MYO1H: variants seen among roughly 807,000 people sequenced by gnomAD.
MYO1H encodes unconventional myosin-Ih.
MYO1H carries 118 observed loss-of-function variants against 149.3 expected under a neutral mutation model. That is an observed-to-expected ratio of 0.79 (90% CI 0.68 to 0.92). The LOEUF (loss-of-function observed/expected upper bound fraction) is 0.92. Ranked by LOEUF, MYO1H falls within the 40% of genes least tolerant of loss-of-function variation. The probability of loss-of-function intolerance (pLI) is 0.00; values close to 1 mark genes in which losing one functional copy is unlikely to be tolerated. For missense variants in MYO1H, 1,212 were observed against 1,280.7 expected (o/e 0.95, Z 0.82); for synonymous variants, 447 against 465.2 (o/e 0.96, Z 0.50).
At chr12:109,393,807 A>G (rs566129775) in intron 3 of MYO1H, among the ~76,000 whole-genome samples, 1 of 152,302 alleles carries the variant, frequency 6.6e-6, no homozygotes, top group South Asian at 2.1e-4. Flanking sequence ...AGAAAACTTT[A>G]GAGGGTCTTT....
intron 19 of MYO1H, 136 bp from the exon 20 acceptor site, chr12:109,432,761 G>A (rs10492216): frequency 1.7e-5 from 11 of 651,830 alleles, no homozygotes; most frequent in Admixed American, 2.6e-5. Flanking sequence ...GAGAAAGTTC[G>A]TGTAATGGGA....
rs1566044974 is a variant in MYO1H at position 109,443,128 on chromosome 12, A to ATATGTGTACG, written c.2689-383_2689-382insGTGTACGTAT. On this transcript the variant is annotated intron_variant, in intron 27 of 31. Transcript: ENST00000310903. ...CGTATATGTGTGTATATGTGTACGT[A>ATATGTGTACG]TATATGTGTGTATATGTGTACGTAT... Among the ~76,000 whole-genome samples the ATATGTGTACG allele has an allele frequency of 3.3e-3, 39 of 11,830 alleles. 13 individuals carry two copies. Among genetic ancestry groups the ATATGTGTACG allele is most frequent in the East Asian group, 5.3e-3 (1 of 190 alleles). The allele number at this position is 11,830 out of a possible 152,430, so 7.8% of individuals were successfully genotyped here. A position where few individuals can be genotyped will look rare whatever the true frequency, so the allele number is the denominator to read the frequency against.
intron 1 of MYO1H, among the ~76,000 whole-genome samples, chr12:109,365,573 C>T (rs1361480115): frequency 1.3e-5 from 2 of 152,156 alleles, no homozygotes; most frequent in Admixed American, 6.5e-5. Flanking sequence ...CTCTGGAGTT[C>T]AGCTGTTGAT....
chr12:109,438,470 G>A (rs1397071961), intron 22 of MYO1H, 66 bp from the exon 23 acceptor site: 5 of 1,301,148 alleles, frequency 3.8e-6, no homozygotes, highest in South Asian at 3.8e-5. Flanking sequence ...AAAGCCTTCT[G>A]GAAAAGCCTT....
At chr12:109,331,444 C>G in the MYO1H span, among the ~76,000 whole-genome samples, 1 of 146,658 alleles carries the variant, frequency 6.8e-6, no homozygotes, top group Non-Finnish European at 1.5e-5. Flanking sequence ...GGGCCGAATC[C>G]CTTGAGAGAG....
chr12:109,433,586 A>G (rs1871732085), intron 20 of MYO1H, among the ~76,000 whole-genome samples: 1 of 152,192 alleles, frequency 6.6e-6, no homozygotes, highest in Non-Finnish European at 1.5e-5. Flanking sequence ...ATGAAGATCT[A>G]TTCCCCGACA....
chr12:109,381,031 A>T (rs969583841), intron 1 of MYO1H, among the ~76,000 whole-genome samples: 9 of 152,310 alleles, frequency 5.9e-5, no homozygotes, highest in African/African-American at 2.2e-4. Context: ...TTATTTTTAA[A>T]ATGCTTTCTT....
At chr12:109,447,691 G>C (rs1247968665) in exon 32 of MYO1H, 1 of 176,012 alleles carries the variant, frequency 5.7e-6, no homozygotes, top group Non-Finnish European at 1.2e-5. Flanking sequence ...TCCCCAAGGT[G>C]TGTGTGTCAG....
At chr12:109,445,540 A>G (rs1169529176) in exon 31 of MYO1H, 1 of 1,609,720 alleles carries the variant, frequency 6.2e-7, no homozygotes, top group Non-Finnish European at 8.5e-7. Flanking sequence ...GTCCGGGAAA[A>G]GAAGGCACAA....
At chr12:109,397,127 C>G (rs1325052090) in intron 4 of MYO1H, among the ~76,000 whole-genome samples, 2 of 152,006 alleles carry the variant, frequency 1.3e-5, no homozygotes, top group East Asian at 1.9e-4. Context: ...CCACACCCAG[C>G]CTAAGAAGTT....
chr12:109,367,312 G>A (rs1199793820), intron 1 of MYO1H, among the ~76,000 whole-genome samples: 1 of 152,088 alleles, frequency 6.6e-6, no homozygotes, highest in East Asian at 1.9e-4. Context: ...GATATGAGTA[G>A]GTGGATCATA....
At chr12:109,427,685 G>C in intron 19 of MYO1H, 99 bp downstream of exon 19, 1 of 825,102 alleles carries the variant, frequency 1.2e-6, no homozygotes, top group Non-Finnish European at 2.1e-6. Context: ...CCTTAGGAAG[G>C]CTCAGTTTGG....
At chr12:109,378,658 C>T (rs1869137341) in intron 1 of MYO1H, among the ~76,000 whole-genome samples, 1 of 152,150 alleles carries the variant, frequency 6.6e-6, no homozygotes, top group Non-Finnish European at 1.5e-5. Context: ...GATGAGGGTT[C>T]TAAATTGTTT....
At chr12:109,424,867 CAGAG>C in intron 17 of MYO1H, 39 bp downstream of exon 17, 18 of 1,555,012 alleles carry the variant, frequency 1.2e-5, no homozygotes, top group Middle Eastern at 1.7e-4. Flanking sequence ...TGGATCTCAC[CAGAG>C]GGTGAGATGA....
At chr12:109,433,109 A>G in intron 20 of MYO1H, 99 bp downstream of exon 20, 1 of 967,492 alleles carries the variant, frequency 1.0e-6, no homozygotes, top group Non-Finnish European at 1.7e-6. Flanking sequence ...CTCGATTCCT[A>G]GGGATTTATG....
chr12:109,361,693 C>G (rs1049601563), intron 1 of MYO1H, among the ~76,000 whole-genome samples: 3 of 151,746 alleles, frequency 2.0e-5, no homozygotes, highest in Admixed American at 6.6e-5. Flanking sequence ...CTGCATGGTC[C>G]CAGCTACTTG....
rs934812809 is a variant in MYO1H, at chr12:109,426,987, T to C, written c.1832-482T>C. Among the ~76,000 whole-genome samples the C allele has an allele frequency of 2.6e-5, 4 of 152,084 alleles. No individual in the cohort carries two copies. The South Asian group carries it at 8.3e-4, about 32-fold the overall frequency. On this transcript the variant is annotated intron_variant, in intron 18 of 31. Transcript: ENST00000310903. ...CAGGACTTTTCAGAGGAACCAGAAA[T>C]TTAATTTTTTCCTATAAAATTCCCC...
the MYO1H span, among the ~76,000 whole-genome samples, chr12:109,342,534 CAGG>C: frequency 1.5e-5 from 2 of 137,700 alleles, no homozygotes; most frequent in African/African-American, 2.7e-5. Flanking sequence ...TGAGCATCTT[CAGG>C]AGACTTTTTT....
chr12:109,396,011 C>T (rs530023604), intron 3 of MYO1H, among the ~76,000 whole-genome samples: 1 of 151,982 alleles, frequency 6.6e-6, no homozygotes, highest in East Asian at 1.9e-4. Flanking sequence ...TTCTGCCTCC[C>T]GGGTTCAAGC....
Sources: gnomAD v4.1 joint callset for allele counts (sites outside exome capture counted in the v4.1 genomes callset) on GRCh38, gnomAD v4.1.1 for gene constraint, MANE v1.5 for transcripts, NCBI Gene and HGNC (gene_info 2026-07-23, HGNC 2026-07-21) for gene names.